SNRPN: variants seen among roughly 807,000 people sequenced by gnomAD.
SNRPN encodes small nuclear ribonucleoprotein polypeptide N, also known as small nuclear ribonucleoprotein-associated protein N.
SNRPN carries 7 observed loss-of-function variants against 25.2 expected under a neutral mutation model. The ratio of observed to expected loss-of-function variants is 0.28; its 90% CI spans 0.16 to 0.52. The LOEUF (loss-of-function observed/expected upper bound fraction) is 0.52, where lower values mean the gene tolerates loss of function less well. SNRPN is among the 20% of genes least tolerant of loss of function. The pLI is 0.96. For missense variants in SNRPN, 196 were observed against 322.5 expected, an observed-to-expected ratio of 0.61 and a Z score of 3.00; for synonymous variants, 124 against 110.6, an observed-to-expected ratio of 1.12 and a Z score of -0.76.
At chr15:24,916,151 G>A (rs2059507496) in intron 2 of SNRPN, among the ~76,000 whole-genome samples, 1 of 151,884 alleles carries the variant, frequency 6.6e-6, no homozygotes, top group African/African-American at 2.4e-5. Flanking sequence ...AGTAGATAAT[G>A]GGGTTTCACT....
At chr15:24,958,435 G>T (rs1455770763) in intron 1 of SNRPN, among the ~76,000 whole-genome samples, 3 of 103,770 alleles carry the variant, frequency 2.9e-5, no homozygotes, top group Admixed American at 1.1e-4. Flanking sequence ...AGTGAGAATT[G>T]TTACTACTTA....
intron 1 of SNRPN, among the ~76,000 whole-genome samples, chr15:24,884,587 T>C (rs12916812): frequency 0.12 from 18,699 of 151,810 alleles, 1,366 homozygotes; most frequent in Admixed American, 0.24. Flanking sequence ...TTCTGAAGCC[T>C]CGGATAATTT....
chr15:24,975,176 A>G (rs2076926669), intron 4 of SNRPN, among the ~76,000 whole-genome samples, 182 bp from the exon 5 acceptor site: 1 of 152,136 alleles, frequency 6.6e-6, no homozygotes, highest in African/African-American at 2.4e-5. Flanking sequence ...ATACTTCATA[A>G]TCCTTTGTGG....
At chr15:24,880,467 C>G (rs145872592) in intron 1 of SNRPN, among the ~76,000 whole-genome samples, 1 of 152,264 alleles carries the variant, frequency 6.6e-6, no homozygotes, top group Admixed American at 6.5e-5. Flanking sequence ...TAAAATTCAT[C>G]ACCAATTTAG....
intron 2 of SNRPN, among the ~76,000 whole-genome samples, chr15:24,900,652 T>C (rs1236434844): frequency 6.6e-6 from 1 of 152,118 alleles, no homozygotes; most frequent in African/African-American, 2.4e-5. Flanking sequence ...CTATGACCTG[T>C]AGGAAACAGC....
chr15:24,976,795 GGAGA>G, intron 6 of SNRPN, 78 bp from the exon 7 acceptor site: 1 of 1,263,818 alleles, frequency 7.9e-7, no homozygotes, highest in Non-Finnish European at 1.1e-6. Context: ...GGAAAATGGT[GGAGA>G]GAAGTGATCT....
At chr15:24,840,005 T>A (rs2051549830) in intron 2 of SNRPN, among the ~76,000 whole-genome samples, 1 of 152,196 alleles carries the variant, frequency 6.6e-6, no homozygotes, top group Admixed American at 6.5e-5. Flanking sequence ...TCTGGCATTC[T>A]GGCCACGAGG....
chr15:24,874,342 G>A (rs1265248362), intron 1 of SNRPN, among the ~76,000 whole-genome samples: 2 of 145,790 alleles, frequency 1.4e-5, no homozygotes, highest in East Asian at 2.0e-4. Context: ...AAGGCAGAGT[G>A]GCAGACCAAA....
At chr15:24,897,933 C>A (rs2058181114) in intron 2 of SNRPN, among the ~76,000 whole-genome samples, 1 of 152,080 alleles carries the variant, frequency 6.6e-6, no homozygotes, top group African/African-American at 2.4e-5. Flanking sequence ...AACTAATACA[C>A]CCTGTATTAA....
At chr15:24,976,231 G>A in intron 5 of SNRPN, 74 bp from the exon 6 acceptor site, 1 of 1,125,546 alleles carries the variant, frequency 8.9e-7, no homozygotes, top group Admixed American at 1.8e-5. Context: ...ATTGATACTT[G>A]AGGTTGTATA....
chr15:24,838,945 G>A (rs1051625852), intron 2 of SNRPN, among the ~76,000 whole-genome samples: 10 of 151,906 alleles, frequency 6.6e-5, no homozygotes, highest in Admixed American at 2.6e-4. Flanking sequence ...ATGGTGGCCT[G>A]AACCACAAAC....
chr15:24,967,799 C>A (rs2075868821), intron 2 of SNRPN, 133 bp from the exon 3 acceptor site: 3 of 759,864 alleles, frequency 3.9e-6, no homozygotes, highest in Admixed American at 2.5e-5. Flanking sequence ...CAGAATGAGA[C>A]CCTGTCTGGA....
chr15:24,929,945 T>C lies in SNRPN; in HGVS notation c.-391+9821T>C, dbSNP rs1015507631. Among the ~76,000 whole-genome samples the C allele has an allele frequency of 2.0e-5, 3 of 152,080 alleles. No homozygotes were observed. The highest frequency in any genetic ancestry group is 7.2e-5 in the African/African-American group (3 of 41,430). On this transcript the variant is annotated intron_variant, in intron 3 of 11. Coordinates refer to the SNRPN transcript ENST00000400097. The surrounding 1 kb of genome is among the most constrained non-coding windows in gnomAD (Gnocchi z 5.3). Reference sequence around the variant, plus strand: ...GCTCACACCTATAATCCCAGCACTTTGGGAGGCCAAGGCGGGTGGATCACG... The same window carrying C: ...GCTCACACCTATAATCCCAGCACTTCGGGAGGCCAAGGCGGGTGGATCACG...
chr15:24,916,324 C>T (rs536929994), intron 2 of SNRPN, among the ~76,000 whole-genome samples: 1 of 152,010 alleles, frequency 6.6e-6, no homozygotes, highest in East Asian at 1.9e-4. Context: ...AATTTAAAAA[C>T]TTAGGGGAAA....
At chr15:24,859,189 T>C (rs1399953138) in intron 1 of SNRPN, among the ~76,000 whole-genome samples, 7 of 152,196 alleles carry the variant, frequency 4.6e-5, no homozygotes, top group African/African-American at 1.7e-4. Flanking sequence ...TGTGCTTTCA[T>C]GGCGACTGGC....
intron 3 of SNRPN, among the ~76,000 whole-genome samples, chr15:24,969,843 A>G (rs2076175644): frequency 6.6e-6 from 1 of 152,194 alleles, no homozygotes. Flanking sequence ...CTATAAATGA[A>G]ATTTTATTGG....
chr15:24,908,852 T>G (rs1299428936), intron 2 of SNRPN: 2 of 604,062 alleles, frequency 3.3e-6, no homozygotes, highest in Admixed American at 3.4e-5. Flanking sequence ...TTTTAATCTT[T>G]TTTTCTTTTT....
At chr15:24,875,313 T>C (rs1427612302) in intron 1 of SNRPN, among the ~76,000 whole-genome samples, 1 of 152,226 alleles carries the variant, frequency 6.6e-6, no homozygotes, top group Admixed American at 6.5e-5. Context: ...TGACTTTGTC[T>C]GTCTCCAGAA....
chr15:24,874,154 CA>C (rs1432082686), intron 1 of SNRPN, among the ~76,000 whole-genome samples: 1 of 150,162 alleles, frequency 6.7e-6, no homozygotes, highest in African/African-American at 2.4e-5. Context: ...ACTAAAAATA[CA>C]AAAAATTAGC....
Sources: allele counts gnomAD v4.1 joint callset (sites outside exome capture counted in the v4.1 genomes callset), GRCh38; gene constraint gnomAD v4.1.1; non-coding constraint Gnocchi (gnomAD v3.1); transcripts MANE v1.5; gene names NCBI Gene and HGNC (gene_info 2026-07-23, HGNC 2026-07-21).